The following DAAM2 variants were observed in gnomAD, a reference collection of about 807,000 sequenced individuals.
The protein encoded by DAAM2 is dishevelled associated activator of morphogenesis 2, also known as disheveled-associated activator of morphogenesis 2.
In DAAM2, 39 loss-of-function variants were observed where a neutral mutation model predicts 120.7. That is an observed-to-expected ratio of 0.32 (90% confidence interval 0.25 to 0.42). DAAM2 has a LOEUF of 0.42. Among genes scored for constraint, DAAM2 ranks in the 10% least tolerant of loss-of-function variants. The probability of loss-of-function intolerance (pLI) is 1.00; values close to 1 mark genes in which losing one functional copy is unlikely to be tolerated. For missense variants in DAAM2, 1,283 were observed against 1,401.7 expected, an observed-to-expected ratio of 0.92 and a Z score of 1.35; for synonymous variants, 488 against 524.9, an observed-to-expected ratio of 0.93 and a Z score of 0.96.
chr6:39,820,737 CT>C (rs1762462407), intron 1 of DAAM2: 1 of 152,188 alleles, frequency 6.6e-6, no homozygotes, highest in Admixed American at 6.5e-5. Context: ...CACATATTAC[CT>C]GTAAGACCTT....
At chr6:39,850,528 G>A (rs1375435911) in intron 1 of DAAM2, among the ~76,000 whole-genome samples, 2 of 152,184 alleles carry the variant, frequency 1.3e-5, no homozygotes, top group Non-Finnish European at 2.9e-5. Context: ...TCACAGGTCA[G>A]TGTTCAACAC....
chr6:39,816,801 G>T (rs1013693194), intron 1 of DAAM2, among the ~76,000 whole-genome samples: 2 of 152,218 alleles, frequency 1.3e-5, no homozygotes, highest in East Asian at 3.8e-4. Flanking sequence ...TAACCCATCT[G>T]CAGTGGAGCC....
chr6:39,834,602 G>C (rs1763035881), intron 1 of DAAM2, among the ~76,000 whole-genome samples: 1 of 152,200 alleles, frequency 6.6e-6, no homozygotes, highest in African/African-American at 2.4e-5. Flanking sequence ...GAAAGGCGAA[G>C]GGGGTATCTG....
rs748771781 is a variant in DAAM2, at chr6:39,864,483, C to G, written c.309C>G (p.Ile103Met). 5.6e-6 allele frequency: 9 copies of G among 1,612,482 alleles called. No homozygotes were observed. The South Asian group carries it at 8.8e-5, about 16-fold the overall frequency. Residue 103 changes from isoleucine (I) to methionine (M), a missense_variant, in exon 4 of 25, where the codon ATC becomes ATG. Ile to Met is a conservative substitution (Grantham distance 10). Around this residue, in one of 3 missense-constraint regions of DAAM2, gnomAD observed 197 missense variants for 189.3 expected, o/e 1.04. Transcript: ENST00000274867. ...KLATSWPDYY[I>M]DRINSMAAMQ... is the part of the protein sequence containing the mutation. The stretch of plus-strand genomic sequence containing the variant: ...CAACCAGCTGGCCTGACTATTACAT[C>G]GACCGCATCAATTCCATGGCTGCGG...
chr6:39,872,412 G>A (rs1036619328), intron 9 of DAAM2, among the ~76,000 whole-genome samples: 4 of 152,160 alleles, frequency 2.6e-5, no homozygotes, highest in Admixed American at 1.3e-4. Flanking sequence ...AAAGGAAAGG[G>A]AGCAAGTTAT....
chr6:39,830,795 A>G (rs966026189), intron 1 of DAAM2, among the ~76,000 whole-genome samples: 2 of 152,184 alleles, frequency 1.3e-5, no homozygotes, highest in African/African-American at 4.8e-5. Flanking sequence ...CTGCAGGCAC[A>G]CACCTCTGAC....
intron 19 of DAAM2, among the ~76,000 whole-genome samples, chr6:39,893,791 T>C (rs2149364032): frequency 6.6e-6 from 1 of 152,314 alleles, no homozygotes; most frequent in Non-Finnish European, 1.5e-5. Context: ...TGACTATAAG[T>C]GGAGAAAAGA....
chr6:39,883,285 A>G (rs1169759479), intron 14 of DAAM2, among the ~76,000 whole-genome samples: 1 of 151,902 alleles, frequency 6.6e-6, no homozygotes, highest in Non-Finnish European at 1.5e-5. Flanking sequence ...AGACCTTGGA[A>G]TGTAAAACCC....
chr6:39,845,495 G>A (rs56413104), intron 1 of DAAM2, among the ~76,000 whole-genome samples: 18,080 of 143,884 alleles, frequency 0.13, 1,948 homozygotes, highest in African/African-American at 0.31. Flanking sequence ...CCACACATGC[G>A]CATACACCAA....
intron 1 of DAAM2, among the ~76,000 whole-genome samples, chr6:39,803,939 G>A (rs749280823): frequency 1.3e-5 from 2 of 152,182 alleles, no homozygotes; most frequent in Non-Finnish European, 2.9e-5. Flanking sequence ...AGTGAAAGGG[G>A]CATTAACTGG....
At chr6:39,842,608 G>T (rs1169294521) in intron 1 of DAAM2, among the ~76,000 whole-genome samples, 1 of 152,006 alleles carries the variant, frequency 6.6e-6, no homozygotes, top group Non-Finnish European at 1.5e-5. Context: ...ACTCCAGCCG[G>T]GGCAACAGAC....
At chr6:39,841,301 G>C (rs1763325376) in intron 1 of DAAM2, among the ~76,000 whole-genome samples, 1 of 129,538 alleles carries the variant, frequency 7.7e-6, no homozygotes, top group South Asian at 2.7e-4. Context: ...GAACTCCTTG[G>C]GGAAGGGTTG....
At chr6:39,843,991 A>C (rs1442342619) in intron 1 of DAAM2, among the ~76,000 whole-genome samples, 1 of 152,094 alleles carries the variant, frequency 6.6e-6, no homozygotes, top group African/African-American at 2.4e-5. Context: ...CACATGTTTT[A>C]TCAACTTTAC....
intron 6 of DAAM2, chr6:39,868,146 C>T: frequency 5.1e-6 from 2 of 390,988 alleles, no homozygotes; most frequent in Non-Finnish European, 4.7e-6. Flanking sequence ...TCTGCATCTC[C>T]AACCTCAACA....
At position 39,799,856 on chromosome 6, in the gene DAAM2, A is replaced by C. The variant is rs1000076200; in HGVS notation, c.-57+7391A>C. On this transcript the variant is annotated intron_variant, in intron 1 of 24. Transcript: ENST00000274867. The stretch of plus-strand genomic sequence containing the variant: ...GGTAATTAATGTTAATAGCCTAGTA[A>C]TATATCCTGCTGTAACTTCATTTGT... 7.2e-5 allele frequency among the ~76,000 whole-genome samples: 11 copies of C among 152,330 alleles called. No homozygotes were observed. In the South Asian group the frequency reaches 1.7e-3, roughly 23 times the overall value.
chr6:39,851,179 G>A (rs1763793861), intron 1 of DAAM2, among the ~76,000 whole-genome samples: 1 of 152,186 alleles, frequency 6.6e-6, no homozygotes, highest in Admixed American at 6.5e-5. Context: ...ATGAATCTGT[G>A]TAACACTTGA....
At chr6:39,831,666 A>AC (rs1022367927) in intron 1 of DAAM2, among the ~76,000 whole-genome samples, 1 of 141,208 alleles carries the variant, frequency 7.1e-6, no homozygotes, top group Non-Finnish European at 1.6e-5. Context: ...GGCTTGTAAG[A>AC]CCCCACCTGA....
chr6:39,879,540 A>G (rs759729578), intron 14 of DAAM2, 63 bp downstream of exon 14: 1 of 1,604,834 alleles, frequency 6.2e-7, no homozygotes, highest in East Asian at 2.2e-5. Flanking sequence ...AGCCTCAGGG[A>G]CCACCCGCCC....
chr6:39,901,248 G>A lies in DAAM2; in HGVS notation c.2812-54G>A. 5 of 1,548,448 alleles carry A rather than the reference G, an allele frequency of 3.2e-6. No homozygotes were observed. Among genetic ancestry groups the A allele is most frequent in the Non-Finnish European group, 3.5e-6 (4 of 1,132,880 alleles). On this transcript the variant is annotated intron_variant, in intron 23 of 24. Coordinates refer to ENST00000274867, the MANE Select transcript of DAAM2 (RefSeq NM_001201427.2). This position sits in a 1 kb window ranked among gnomAD's most constrained non-coding sequence, Gnocchi z 4.5. Reference sequence around the variant, plus strand: ...TAGAACCCAGCTAACCTCAGGGGCTGAGCCCAGCATGCTCCAGGGCACTCT... The same window carrying A: ...TAGAACCCAGCTAACCTCAGGGGCTAAGCCCAGCATGCTCCAGGGCACTCT...
Sources: allele counts gnomAD v4.1 joint callset (sites outside exome capture counted in the v4.1 genomes callset), GRCh38; gene constraint gnomAD v4.1.1; regional missense constraint gnomAD v4.1.1; non-coding constraint Gnocchi (gnomAD v3.1); transcripts MANE v1.5; gene names NCBI Gene and HGNC (gene_info 2026-07-23, HGNC 2026-07-21).